Variants in RGS6 observed in about 807,000 individuals in gnomAD.
RGS6 encodes regulator of G-protein signaling 6.
In RGS6, 30 loss-of-function variants were observed where a neutral mutation model predicts 78.5. That is an observed-to-expected ratio of 0.38 (90% CI 0.29 to 0.52). The LOEUF is 0.52. Ranked by LOEUF, RGS6 falls within the 20% of genes least tolerant of loss-of-function variation. The pLI, the probability that RGS6 is intolerant of heterozygous loss-of-function variation, is 0.85. For synonymous variants in RGS6, 206 were observed against 206.0 expected (o/e 1.00, Z 0.00); for missense variants, 495 against 609.7 (o/e 0.81, Z 1.98).
At chr14:72,559,593 G>A (rs2097642595) in intron 17 of RGS6, among the ~76,000 whole-genome samples, 1 of 152,214 alleles carries the variant, frequency 6.6e-6, no homozygotes, top group Non-Finnish European at 1.5e-5. Context: ...AAGCAGGAGT[G>A]GGGAGAGGGA....
intron 2 of RGS6, among the ~76,000 whole-genome samples, chr14:72,346,778 C>G (rs560067116): frequency 6.6e-6 from 1 of 152,326 alleles, no homozygotes; most frequent in East Asian, 1.9e-4. Context: ...GGGTTCTCCC[C>G]CATGTTCTTC....
the RGS6 span, among the ~76,000 whole-genome samples, chr14:71,893,356 G>A: frequency 6.6e-6 from 1 of 152,120 alleles, no homozygotes; most frequent in East Asian, 1.9e-4. Context: ...GATTCTGCAG[G>A]GCCATTACCT....
chr14:71,903,341 A>G, the RGS6 span, among the ~76,000 whole-genome samples: 1 of 152,190 alleles, frequency 6.6e-6, no homozygotes, highest in South Asian at 2.1e-4. Context: ...TACTCTGCAC[A>G]TGGTAAGTGT....
At chr14:72,522,225 T>C (rs530153850) in intron 15 of RGS6, among the ~76,000 whole-genome samples, 12 of 152,336 alleles carry the variant, frequency 7.9e-5, no homozygotes, top group African/African-American at 2.9e-4. Context: ...GCTGTGTCCT[T>C]ATAACTCTGG....
At chr14:72,591,469 G>T in the RGS6 span, among the ~76,000 whole-genome samples, 1 of 152,036 alleles carries the variant, frequency 6.6e-6, no homozygotes, top group African/African-American at 2.4e-5. Flanking sequence ...AACTAAATTT[G>T]ATCTCTCTAT....
In RGS6 at chr14:72,451,742, C is replaced by T. The variant is rs1296185684; in HGVS notation, c.185-2786C>T. ...AACCTCACAGTTTCTAGGCAACCCA[C>T]AGAAAAGAACTATTTTTTTTTTCTT... On this transcript the variant is annotated intron_variant, in intron 3 of 17. Transcript: ENST00000553525. Among the ~76,000 whole-genome samples, 7 of 151,970 alleles carry T rather than the reference C, an allele frequency of 4.6e-5. No individual in the cohort carries two copies. The South Asian group carries it at 1.2e-3, about 27-fold the overall frequency.
chr14:72,245,296 G>A (rs189440124), intron 2 of RGS6, among the ~76,000 whole-genome samples: 1 of 152,212 alleles, frequency 6.6e-6, no homozygotes, highest in Non-Finnish European at 1.5e-5. Flanking sequence ...AGGAATTAAA[G>A]ATATACACAC....
At chr14:72,388,132 A>T (rs575432734) in intron 3 of RGS6, among the ~76,000 whole-genome samples, 1 of 152,312 alleles carries the variant, frequency 6.6e-6, no homozygotes, top group South Asian at 2.1e-4. Context: ...TAACAGATGG[A>T]GAATAGTGCT....
At chr14:71,925,994 T>C in the RGS6 span, among the ~76,000 whole-genome samples, 1 of 152,022 alleles carries the variant, frequency 6.6e-6, no homozygotes, top group Admixed American at 6.6e-5. Flanking sequence ...CTATAAAGCA[T>C]TGATAAAAAT....
chr14:72,209,374 A>G (rs1212483882), intron 2 of RGS6, among the ~76,000 whole-genome samples: 1 of 146,900 alleles, frequency 6.8e-6, no homozygotes, highest in Non-Finnish European at 1.5e-5. Context: ...TGTTTTATAA[A>G]TTTATAAATG....
the RGS6 span, among the ~76,000 whole-genome samples, chr14:72,592,148 G>A: frequency 5.3e-5 from 8 of 152,212 alleles, no homozygotes; most frequent in Admixed American, 5.2e-4. Context: ...GGAGGAGAAA[G>A]GGAAAGAGCA....
intron 13 of RGS6, among the ~76,000 whole-genome samples, chr14:72,497,598 CAAG>C (rs1201906342): frequency 1.3e-5 from 2 of 152,086 alleles, no homozygotes; most frequent in African/African-American, 4.8e-5. Flanking sequence ...TTTAAACAAA[CAAG>C]AGTGAAGTAT....
At position 72,055,583 on chromosome 14, in the gene RGS6, T is replaced by C. The variant is rs532271946; in HGVS notation, c.84+90708T>C. 2.0e-5 allele frequency among the ~76,000 whole-genome samples: 3 copies of C among 152,256 alleles called. No homozygotes were observed. In the East Asian group the frequency reaches 5.8e-4, roughly 29 times the overall value. On this transcript the variant is annotated intron_variant, in intron 2 of 17. Transcript: ENST00000553525. The stretch of plus-strand genomic sequence containing the variant: ...GGAATCCCTTGGAACATTTAAAAAA[T>C]GCTAATGTCTGGACCCCACCTCCAG...
At chr14:72,249,311 T>C (rs1043261097) in intron 2 of RGS6, among the ~76,000 whole-genome samples, 4 of 152,226 alleles carry the variant, frequency 2.6e-5, no homozygotes, top group African/African-American at 7.2e-5. Flanking sequence ...ATTTAAGTAA[T>C]GCCTTCTGCA....
At chr14:72,159,725 C>T (rs2096826632) in intron 2 of RGS6, among the ~76,000 whole-genome samples, 1 of 152,080 alleles carries the variant, frequency 6.6e-6, no homozygotes, top group South Asian at 2.1e-4. Context: ...TAATGAAACA[C>T]TCAGAACACT....
At chr14:72,169,462 G>A (rs2096978841) in intron 2 of RGS6, among the ~76,000 whole-genome samples, 1 of 152,170 alleles carries the variant, frequency 6.6e-6, no homozygotes, top group African/African-American at 2.4e-5. Flanking sequence ...AATTTATGGT[G>A]AATGCTTCAG....
At chr14:71,958,444 A>C (rs745938118) in intron 1 of RGS6, among the ~76,000 whole-genome samples, 3 of 152,230 alleles carry the variant, frequency 2.0e-5, no homozygotes, top group Admixed American at 6.5e-5. Flanking sequence ...AATTCTAATC[A>C]GCAGGCCGGG....
chr14:72,381,626 A>G (rs1485309087), intron 3 of RGS6, among the ~76,000 whole-genome samples: 1 of 152,124 alleles, frequency 6.6e-6, no homozygotes, highest in African/African-American at 2.4e-5. Context: ...TTATCATGCA[A>G]AAGAAGTGAA....
At position 72,074,349 on chromosome 14, in the gene RGS6, C is replaced by T. The variant is rs149331784; in HGVS notation, c.84+109474C>T. Among the ~76,000 whole-genome samples, 652 of 152,232 alleles carry T rather than the reference C, an allele frequency of 4.3e-3. 21 individuals are homozygous for T. The highest frequency in any genetic ancestry group is 0.034 in the Admixed American group (526 of 15,286). ...TAGCTGGGACTATAGGTGCTTGCCA[C>T]CATACCTAGCTGATTTTTTGTAGGG... On this transcript the variant is annotated intron_variant, in intron 2 of 17. Transcript: ENST00000553525.
Sources: gnomAD v4.1 joint callset for allele counts (sites outside exome capture counted in the v4.1 genomes callset) on GRCh38, gnomAD v4.1.1 for gene constraint, MANE v1.5 for transcripts, NCBI Gene and HGNC (gene_info 2026-07-23, HGNC 2026-07-21) for gene names.